The following DLG2 variants were observed in gnomAD, a reference collection of about 807,000 sequenced individuals.
DLG2 encodes the protein discs large MAGUK scaffold protein 2.
DLG2 carries 45 observed loss-of-function variants against 132.5 expected under a neutral mutation model. That is an observed-to-expected ratio of 0.34 (90% confidence interval 0.27 to 0.44). The LOEUF is 0.44. Ranked by LOEUF, DLG2 falls within the 20% of genes least tolerant of loss-of-function variation. The pLI, the probability that DLG2 is intolerant of heterozygous loss-of-function variation, is 1.00. For synonymous variants in DLG2, 424 were observed against 419.6 expected, an observed-to-expected ratio of 1.01 and a Z score of -0.13; for missense variants, 1,045 against 1,196.9, an observed-to-expected ratio of 0.87 and a Z score of 1.87.
intron 6 of DLG2, among the ~76,000 whole-genome samples, chr11:84,953,165 G>A (rs532512035): frequency 2.6e-4 from 39 of 152,088 alleles, no homozygotes; most frequent in African/African-American, 7.5e-4. Flanking sequence ...CAAACAAATC[G>A]GTTCATGTCA....
Position 85,195,344 on chromosome 11 carries a change from G to T in DLG2, c.187-40693C>A, listed in dbSNP as rs563285232. On this transcript the variant is annotated intron_variant, in intron 4 of 27. Transcript: ENST00000376104. ...GCATGCATGGATGCAATAAATCATGGACACATTAACCTCCCCACTGAAGCC... is the reference window on the plus strand; with the variant it reads ...GCATGCATGGATGCAATAAATCATGTACACATTAACCTCCCCACTGAAGCC... 1.6e-3 allele frequency among the ~76,000 whole-genome samples: 236 copies of T among 152,116 alleles called. 3 individuals carry two copies. The highest frequency in any genetic ancestry group is 2.3e-3 in the Non-Finnish European group (157 of 67,980).
chr11:84,299,872 G>A (rs1459037762), intron 7 of DLG2, among the ~76,000 whole-genome samples: 4 of 152,112 alleles, frequency 2.6e-5, no homozygotes, highest in African/African-American at 9.7e-5. Context: ...CAGGTATGTT[G>A]TTTTCACTTT....
At chr11:83,962,739 C>T in intron 14 of DLG2, 146 bp downstream of exon 14, 1 of 946,996 alleles carries the variant, frequency 1.1e-6, no homozygotes. Flanking sequence ...GACACAGTTG[C>T]AATGCACCTG....
At chr11:85,172,995 A>T (rs539251668) in intron 4 of DLG2, among the ~76,000 whole-genome samples, 10 of 152,330 alleles carry the variant, frequency 6.6e-5, no homozygotes, top group Non-Finnish European at 1.2e-4. Context: ...CCTATGAATG[A>T]TTGGGGTACC....
At chr11:85,064,569 C>G (rs1225026696) in intron 6 of DLG2, among the ~76,000 whole-genome samples, 9 of 151,628 alleles carry the variant, frequency 5.9e-5, no homozygotes, top group Non-Finnish European at 1.0e-4. Flanking sequence ...TATACCATCC[C>G]CTAGGGAGTG....
At chr11:84,288,204 G>A (rs1340469425) in intron 7 of DLG2, among the ~76,000 whole-genome samples, 1 of 151,624 alleles carries the variant, frequency 6.6e-6, no homozygotes, top group Non-Finnish European at 1.5e-5. Flanking sequence ...CATAAATTGT[G>A]AATAATAATT....
chr11:83,704,231 T>G (rs542506074), intron 18 of DLG2, among the ~76,000 whole-genome samples: 1 of 152,212 alleles, frequency 6.6e-6, no homozygotes, highest in Non-Finnish European at 1.5e-5. Context: ...GAAAAATGTT[T>G]GTAACATATT....
At chr11:83,822,530 C>A (rs1461762975) in intron 17 of DLG2, among the ~76,000 whole-genome samples, 1 of 152,186 alleles carries the variant, frequency 6.6e-6, no homozygotes, top group Non-Finnish European at 1.5e-5. Flanking sequence ...CCTTTTCCCA[C>A]CCCTCAGCAG....
chr11:84,351,300 T>G (rs547171203), intron 7 of DLG2, among the ~76,000 whole-genome samples: 1 of 152,166 alleles, frequency 6.6e-6, no homozygotes, highest in African/African-American at 2.4e-5. Context: ...CCTGACTTCA[T>G]CTGTTTTTCA....
intron 3 of DLG2, among the ~76,000 whole-genome samples, chr11:85,351,981 A>G (rs1200699624): frequency 3.3e-5 from 5 of 152,230 alleles, no homozygotes; most frequent in African/African-American, 1.2e-4. Context: ...TTCAGAAAGA[A>G]TGGTACCAGC....
chr11:84,785,133 G>C (rs1281941227), intron 6 of DLG2, among the ~76,000 whole-genome samples: 1 of 151,816 alleles, frequency 6.6e-6, no homozygotes, highest in Non-Finnish European at 1.5e-5. Flanking sequence ...TTCAGATCAG[G>C]CTGCAAAACA....
chr11:84,573,191 A>ACCACTCTCTGCTAGTGGTATT (rs2099489999), intron 6 of DLG2, among the ~76,000 whole-genome samples: 2 of 152,198 alleles, frequency 1.3e-5, no homozygotes, highest in African/African-American at 2.4e-5. Flanking sequence ...TAAGTGATTT[A>ACCACTCTCTGCTAGTGGTATT]CAAATGTGTG....
chr11:85,267,385 C>CCTT, intron 4 of DLG2, among the ~76,000 whole-genome samples: 1 of 152,284 alleles, frequency 6.6e-6, no homozygotes, highest in Middle Eastern at 3.4e-3. Flanking sequence ...GTTTTGGCAG[C>CCTT]CCGAACTGAC....
At chr11:84,840,856 G>A (rs2080552817) in intron 6 of DLG2, among the ~76,000 whole-genome samples, 2 of 152,002 alleles carry the variant, frequency 1.3e-5, no homozygotes, top group South Asian at 2.1e-4. Flanking sequence ...AGGGGGCAGG[G>A]GGAGGGATAG....
chr11:85,273,387 A>T (rs190333006), intron 4 of DLG2, among the ~76,000 whole-genome samples: 26 of 152,118 alleles, frequency 1.7e-4, no homozygotes, highest in African/African-American at 5.3e-4. Flanking sequence ...GAATCTACAA[A>T]GAACTTAAAA....
intron 8 of DLG2, among the ~76,000 whole-genome samples, chr11:84,192,211 C>T (rs1040245701): frequency 3.9e-5 from 6 of 152,002 alleles, no homozygotes; most frequent in African/African-American, 1.4e-4. Flanking sequence ...TTTTAGTAAA[C>T]AGGGGGTGGG....
chr11:83,648,947 TC>T (rs1436031131), intron 18 of DLG2, among the ~76,000 whole-genome samples: 2 of 152,128 alleles, frequency 1.3e-5, no homozygotes, highest in African/African-American at 4.8e-5. Context: ...GATGGGGAGC[TC>T]TATTTCATTT....
intron 9 of DLG2, among the ~76,000 whole-genome samples, chr11:84,147,339 G>A (rs1417817555): frequency 2.0e-5 from 3 of 152,164 alleles, no homozygotes; most frequent in Non-Finnish European, 4.4e-5. Flanking sequence ...TTGGAAAGAG[G>A]AGAAGGGCAG....
At chr11:84,164,574 C>A (rs1260778204) in intron 8 of DLG2, among the ~76,000 whole-genome samples, 2 of 152,082 alleles carry the variant, frequency 1.3e-5, no homozygotes, top group Admixed American at 6.5e-5. Flanking sequence ...CAGAGCCTGG[C>A]AAGAAAATAA....
Sources: allele counts gnomAD v4.1 joint callset (sites outside exome capture counted in the v4.1 genomes callset), GRCh38; gene constraint gnomAD v4.1.1; transcripts MANE v1.5; gene names NCBI Gene and HGNC (gene_info 2026-07-23, HGNC 2026-07-21).